The following MORN4 variants were observed in gnomAD, a reference collection of about 807,000 sequenced individuals.
The protein encoded by MORN4 is MORN repeat-containing protein 4.
MORN4 carries 8 observed loss-of-function variants against 16.4 expected under a neutral mutation model. The ratio of observed to expected loss-of-function variants is 0.49; its 90% CI spans 0.29 to 0.88. MORN4 has a LOEUF of 0.88. Among genes scored for constraint, MORN4 ranks in the 40% least tolerant of loss-of-function variants. MORN4 has a pLI of 0.09. For synonymous variants in MORN4, 53 were observed against 68.9 expected (o/e 0.77, Z 1.14); for missense variants, 159 against 182.9 (o/e 0.87, Z 0.75).
At chr10:97,619,738 C>A (rs1461150833) in intron 1 of MORN4, 55 bp from the exon 2 acceptor site, 29 of 1,413,794 alleles carry the variant, frequency 2.1e-5, no homozygotes, top group Non-Finnish European at 2.7e-5. Flanking sequence ...GAGGAAAGGA[C>A]TGCAAGGCAA....
At chr10:97,626,775 T>G (rs1393135791) in intron 1 of MORN4, among the ~76,000 whole-genome samples, 1 of 124,328 alleles carries the variant, frequency 8.0e-6, no homozygotes, top group Non-Finnish European at 1.6e-5. Flanking sequence ...TTTTTTTTTT[T>G]AGACAGAGTT....
At position 97,616,260 on chromosome 10, in the gene MORN4, C is replaced by G; in HGVS notation, c.*3G>C. 1.3e-6 allele frequency: 2 copies of G among 1,586,634 alleles called. No homozygotes were observed. On this transcript the variant is annotated 3_prime_UTR_variant, in exon 5 of 5. Transcript: ENST00000307450. ...TACTTATCAGCTGGTGCCCACTGCG[C>G]TGTCAGGCAGTGAGATTTCTGGCTG...
intron 1 of MORN4, among the ~76,000 whole-genome samples, chr10:97,623,806 G>C (rs958868651): frequency 1.3e-5 from 2 of 151,506 alleles, no homozygotes; most frequent in African/African-American, 2.4e-5. Flanking sequence ...CATGATCTCG[G>C]CTGACTGCAA....
At chr10:97,620,728 A>C (rs2041283160) in intron 1 of MORN4, among the ~76,000 whole-genome samples, 1 of 152,088 alleles carries the variant, frequency 6.6e-6, no homozygotes. Flanking sequence ...CTGTAATCCC[A>C]GCACTTTGGG....
chr10:97,621,770 CAGA>C (rs72412317), intron 1 of MORN4, among the ~76,000 whole-genome samples: 14,727 of 151,986 alleles, frequency 0.097, 788 homozygotes, highest in Middle Eastern at 0.14. Context: ...GAGACTGATG[CAGA>C]AGAACTGCTT....
At chr10:97,632,345 G>A (rs542572886) in intron 1 of MORN4, among the ~76,000 whole-genome samples, 5 of 150,600 alleles carry the variant, frequency 3.3e-5, no homozygotes, top group Non-Finnish European at 7.4e-5. Context: ...CAGCCTCCTG[G>A]GTAGTTGGGA....
intron 1 of MORN4, among the ~76,000 whole-genome samples, chr10:97,621,553 C>A (rs190493717): frequency 1.1e-4 from 16 of 152,150 alleles, no homozygotes; most frequent in African/African-American, 3.9e-4. Context: ...CCGTTCATGA[C>A]CCTACAATGT....
chr10:97,631,335 AAAGGATCAG>A (rs2041393957), intron 1 of MORN4, among the ~76,000 whole-genome samples: 1 of 152,206 alleles, frequency 6.6e-6, no homozygotes. Context: ...GATGGGTTGC[AAAGGATCAG>A]TCCAAACATT....
intron 1 of MORN4, among the ~76,000 whole-genome samples, chr10:97,626,342 T>C (rs1028362074): frequency 6.6e-6 from 1 of 150,590 alleles, no homozygotes; most frequent in Non-Finnish European, 1.5e-5. Context: ...ATGCCACTGG[T>C]CTCCAGCCTG....
At chr10:97,620,488 C>CAAAAAAAAAAAAAAAAAAA (rs1210683127) in intron 1 of MORN4, among the ~76,000 whole-genome samples, 2 of 41,158 alleles carry the variant, frequency 4.9e-5, no homozygotes, top group Admixed American at 3.0e-4. Flanking sequence ...GACTCTGTCT[C>CAAAAAAAAAAAAAAAAAAA]AAAAAAAAAA....
intron 1 of MORN4, among the ~76,000 whole-genome samples, chr10:97,623,893 G>C (rs527466496): frequency 9.2e-5 from 14 of 151,838 alleles, no homozygotes; most frequent in African/African-American, 3.4e-4. Flanking sequence ...CCACCACGAC[G>C]CCCCACTAAC....
rs1312826301 is a variant in MORN4, at chr10:97,617,225, G to A, written c.165C>T (p.Thr55=). 6.2e-7 allele frequency: 1 copy of A among 1,613,844 alleles called. No individual in the cohort carries two copies. Residue 55 remains threonine (T), a synonymous_variant, in exon 3 of 5, where the codon ACC becomes ACT. Transcript: ENST00000307450. ...NGLFNGFGVL[T]FSDGSRYEGE... ...ATACCCACCTTGAACCATCTGAGAA[G>A]GTCAATACCCCAAAGCCATTAAAGA...
intron 1 of MORN4, among the ~76,000 whole-genome samples, chr10:97,625,166 C>T (rs2041336385): frequency 6.6e-6 from 1 of 152,152 alleles, no homozygotes; most frequent in Non-Finnish European, 1.5e-5. Flanking sequence ...AGAATCAGAG[C>T]TCTGACAGCT....
intron 1 of MORN4, among the ~76,000 whole-genome samples, chr10:97,626,066 CT>C (rs74855674): frequency 2.2e-3 from 311 of 140,730 alleles, no homozygotes; most frequent in Middle Eastern, 0.011. Flanking sequence ...AGCCTCATGC[CT>C]TTTTTTTTTT....
chr10:97,618,244 T>TGCCA (rs2041255221), intron 2 of MORN4, among the ~76,000 whole-genome samples: 1 of 148,698 alleles, frequency 6.7e-6, no homozygotes, highest in South Asian at 2.2e-4. Context: ...CTTTACTATG[T>TGCCA]GCCAGCCTCT....
intron 1 of MORN4, among the ~76,000 whole-genome samples, chr10:97,626,019 G>A (rs1054742723): frequency 1.8e-4 from 27 of 149,180 alleles, no homozygotes; most frequent in South Asian, 8.4e-4. Context: ...CTTGGCCTCC[G>A]AAAGTGCTAG....
In MORN4 at chr10:97,620,424, G is replaced by T. The variant is rs1486450054; in HGVS notation, c.-30-741C>A. On this transcript the variant is annotated intron_variant, in intron 1 of 4. Coordinates refer to ENST00000307450, the MANE Select transcript of MORN4 (RefSeq NM_178832.4). ...AATCACTTAAACCCGGGAGGCGGAG[G>T]TTGTAGTGAGCTGAGATCACACCAC... 7.5e-5 allele frequency among the ~76,000 whole-genome samples: 11 copies of T among 147,024 alleles called. No individual in the cohort carries two copies. The East Asian group carries it at 2.1e-3, about 28-fold the overall frequency.
chr10:97,621,652 G>A (rs1372307242), intron 1 of MORN4, among the ~76,000 whole-genome samples: 1 of 152,144 alleles, frequency 6.6e-6, no homozygotes, highest in Admixed American at 6.5e-5. Flanking sequence ...GGCGGAGTGG[G>A]TGGATCACCT....
intron 3 of MORN4, 60 bp downstream of exon 3, chr10:97,617,148 C>T (rs749988473): frequency 7.6e-5 from 98 of 1,289,724 alleles, no homozygotes; most frequent in Non-Finnish European, 1.1e-4. Context: ...TACCAGAGTC[C>T]CATTTTTCTG....
Sources: allele counts gnomAD v4.1 joint callset (sites outside exome capture counted in the v4.1 genomes callset), GRCh38; gene constraint gnomAD v4.1.1; transcripts MANE v1.5; gene names NCBI Gene and HGNC (gene_info 2026-07-23, HGNC 2026-07-21).